Variants in JAG1 observed in about 807,000 individuals in gnomAD.
JAG1 encodes jagged canonical Notch ligand 1.
Under a neutral mutation model 148.7 loss-of-function variants are expected in JAG1, and 23 were observed. The observed-to-expected ratio is 0.15, with a 90% CI of 0.11 to 0.22. The LOEUF is 0.22. Ranked by LOEUF, JAG1 falls within the 10% of genes least tolerant of loss-of-function variation. The pLI is 1.00. For missense variants in JAG1, 1,054 were observed against 1,611.2 expected, an observed-to-expected ratio of 0.65 and a Z score of 5.92; for synonymous variants, 572 against 598.3, an observed-to-expected ratio of 0.96 and a Z score of 0.64.
intron 2 of JAG1, among the ~76,000 whole-genome samples, chr20:10,671,919 C>T (rs2067497774): frequency 6.6e-6 from 1 of 152,066 alleles, no homozygotes; most frequent in African/African-American, 2.4e-5. Context: ...CCTTCCAAGC[C>T]TTGGCACGGC....
intron 2 of JAG1, among the ~76,000 whole-genome samples, chr20:10,664,434 C>G (rs890977895): frequency 4.0e-5 from 6 of 149,884 alleles, no homozygotes; most frequent in Non-Finnish European, 7.4e-5. Flanking sequence ...CTAAGCTAAC[C>G]TAACCAGGTA....
intron 13 of JAG1, 123 bp downstream of exon 13, chr20:10,647,837 T>G: frequency 9.3e-7 from 1 of 1,080,322 alleles, no homozygotes; most frequent in East Asian, 2.5e-5. Context: ...GGCAGGATCA[T>G]TTCACTATAG....
rs370743646 is a variant in JAG1, at chr20:10,658,506, G to A, written c.656C>T (p.Thr219Ile). 1 of 1,614,122 alleles carries A rather than the reference G, an allele frequency of 6.2e-7. No individual in the cohort carries two copies. The highest frequency in any genetic ancestry group is 8.5e-7 in the Non-Finnish European group (1 of 1,180,060). Reference sequence around the variant, plus strand: ...GGGGCCCATCCAGCCTTCCATGCAAGTTTTGTTGCCATTCTGGTCACAGGC... The same window carrying A: ...GGGGCCCATCCAGCCTTCCATGCAAATTTTGTTGCCATTCTGGTCACAGGC... Reference protein sequence around the residue: ...HYACDQNGNKTCMEGWMGPEC... With the variant: ...HYACDQNGNKICMEGWMGPEC... Residue 219 changes from threonine (T) to isoleucine (I), a missense_variant, in exon 4 of 26, where the codon ACT becomes ATT. Coordinates refer to ENST00000254958, the MANE Select transcript of JAG1 (RefSeq NM_000214.3).
In JAG1 at chr20:10,652,565, A is replaced by G. The variant is rs764318074; in HGVS notation, c.789T>C (p.Asp263=). 6.2e-7 allele frequency: 1 copy of G among 1,614,090 alleles called. No individual in the cohort carries two copies. The highest frequency in any genetic ancestry group is 1.3e-5 in the African/African-American group (1 of 75,040). Reference sequence around the variant, plus strand: ...CGCATCCCGGGTGTGGGATGCACTTATCACAGTACAGGCCTTGCCAGCCGT... The same window carrying G: ...CGCATCCCGGGTGTGGGATGCACTTGTCACAGTACAGGCCTTGCCAGCCGT... The part of the protein sequence containing the change: ...CQYGWQGLYC[D]KCIPHPGCVH... The change falls in exon 6 of 26, where the codon GAT becomes GAC. Residue 263 remains aspartate, a synonymous_variant. Coordinates refer to ENST00000254958, the MANE Select transcript of JAG1 (RefSeq NM_000214.3).
intron 2 of JAG1, among the ~76,000 whole-genome samples, chr20:10,668,671 GTT>G (rs143614067): frequency 4.1e-5 from 6 of 144,946 alleles, no homozygotes; most frequent in African/African-American, 7.6e-5. Flanking sequence ...CCTTGACACT[GTT>G]TTTTTTTTTT....
chr20:10,671,615 T>TC (rs368946751), intron 2 of JAG1, among the ~76,000 whole-genome samples: 27 of 151,716 alleles, frequency 1.8e-4, no homozygotes, highest in African/African-American at 6.5e-4. Context: ...GGCACCGAGC[T>TC]CCCCCTCTCA....
Position 10,672,883 on chromosome 20 carries a change from C to G in JAG1, c.205G>C (p.Asp69His). ...ACTTTGAAGTATGTGTCACACTCGT[C>G]GCGGGTGCACTTGCGGTCTCCCGGG... is the stretch of plus-strand genomic sequence containing the variant. Reference protein sequence around the residue: ...RNPGDRKCTRDECDTYFKVCL... With the variant: ...RNPGDRKCTRHECDTYFKVCL... The change falls in exon 2 of 26, where the codon GAC becomes CAC. Residue 69 changes from aspartate (D) to histidine (H), a missense_variant. Coordinates refer to ENST00000254958, the MANE Select transcript of JAG1 (RefSeq NM_000214.3). 1 of 1,613,306 alleles carries G rather than the reference C, an allele frequency of 6.2e-7. No homozygotes were observed. The highest frequency in any genetic ancestry group is 1.1e-5 in the South Asian group (1 of 91,086).
chr20:10,650,401 A>T (rs2067337551), intron 8 of JAG1, 41 bp from the exon 9 acceptor site: 2 of 1,151,390 alleles, frequency 1.7e-6, no homozygotes, highest in Non-Finnish European at 2.6e-6. Flanking sequence ...ATTTAATTCA[A>T]TCCATCTGAC....
At position 10,673,415 on chromosome 20, in the gene JAG1, A is replaced by G; in HGVS notation, c.81+35T>C. On this transcript the variant is annotated intron_variant, in intron 1 of 25. Coordinates refer to ENST00000254958, the MANE Select transcript of JAG1 (RefSeq NM_000214.3). This position sits in a 1 kb window ranked among gnomAD's most constrained non-coding sequence, Gnocchi z 4.7. ...AGGGCGCCGCGAGGGGAGGGAGAGG[A>G]CGGCTGGGAGGGAGGCCCGGAGAAG... is the stretch of plus-strand genomic sequence containing the variant. 2 of 1,398,228 alleles carry G rather than the reference A, an allele frequency of 1.4e-6. No individual in the cohort carries two copies. Among genetic ancestry groups the G allele is most frequent in the African/African-American group, 1.5e-5 (1 of 65,814 alleles). The allele number at this position is 1,398,228 out of a possible 1,614,324, so 86.6% of individuals were successfully genotyped here. A position where few individuals can be genotyped will look rare whatever the true frequency, so the allele number is the denominator to read the frequency against.
chr20:10,652,640 T>A (rs1174000780), intron 5 of JAG1, 42 bp from the exon 6 acceptor site: 1 of 1,609,132 alleles, frequency 6.2e-7, no homozygotes, highest in East Asian at 2.2e-5. Context: ...CTTTTGAACG[T>A]TAAGAGACAC....
At chr20:10,644,276 T>TCTCACACAAACA (rs1555828066) in intron 19 of JAG1, 81 bp downstream of exon 19, 1 of 817,366 alleles carries the variant, frequency 1.2e-6, no homozygotes, top group African/African-American at 1.8e-5. Context: ...TGGGTGATTC[T>TCTCACACAAACA]CACACACACA....
rs950440263 is a variant in JAG1 at position 10,639,012 on chromosome 20, A to T, written c.*486T>A. On this transcript the variant is annotated 3_prime_UTR_variant, in exon 26 of 26. Transcript: ENST00000254958. ...CTCCCCCAACAACAAAAATACAATT[A>T]AAAAAAATAAATAATAAAGTCATTT... 2.1e-5 allele frequency: 2 copies of T among 95,180 alleles called. No individual in the cohort carries two copies. The highest frequency in any genetic ancestry group is 6.1e-5 in the African/African-American group (2 of 32,878). The allele number at this position is 95,180 out of a possible 1,614,324, so 5.9% of individuals were successfully genotyped here. A position where few individuals can be genotyped will look rare whatever the true frequency, so the allele number is the denominator to read the frequency against.
chr20:10,644,460 T>C lies in JAG1; in HGVS notation c.2345-76A>G, dbSNP rs114405662. ...CTTAGCCCTAAGTAAAACCACCACTTATTTTCCTAATACCCAAATGATAAA... is the reference window on the plus strand; with the variant it reads ...CTTAGCCCTAAGTAAAACCACCACTCATTTTCCTAATACCCAAATGATAAA... On this transcript the variant is annotated intron_variant, in intron 18 of 25. Coordinates refer to ENST00000254958, the MANE Select transcript of JAG1 (RefSeq NM_000214.3). 1.1e-3 allele frequency: 1,301 copies of C among 1,147,122 alleles called. 9 individuals carry two copies. The African/African-American group carries it at 0.018, about 16-fold the overall frequency. 71.1% of individuals were successfully genotyped at this position (1,147,122 alleles called of 1,614,324 possible).
intron 19 of JAG1, 48 bp from the exon 20 acceptor site, chr20:10,643,911 T>A (rs1424507663): frequency 7.1e-7 from 1 of 1,413,786 alleles, no homozygotes; most frequent in East Asian, 2.3e-5. Context: ...AGTCCATTAC[T>A]CTGGCTGCCA....
At position 10,673,573 on chromosome 20, in the gene JAG1, T is replaced by C; in HGVS notation, c.-43A>G. On this transcript the variant is annotated 5_prime_UTR_variant, in exon 1 of 26. Transcript: ENST00000254958. The surrounding 1 kb of genome is among the most constrained non-coding windows in gnomAD (Gnocchi z 4.7). ...CGGGCACTCGGGACGCCGCCGCTGCTGTTCGCGCTGGTGCTGCCGCCGGTG... is the reference window on the plus strand; with the variant it reads ...CGGGCACTCGGGACGCCGCCGCTGCCGTTCGCGCTGGTGCTGCCGCCGGTG... 8.7e-7 allele frequency: 1 copy of C among 1,147,098 alleles called. No individual in the cohort carries two copies. The highest frequency in any genetic ancestry group is 1.1e-6 in the Non-Finnish European group (1 of 907,832). The allele number at this position is 1,147,098 out of a possible 1,614,324, so 71.1% of individuals were successfully genotyped here.
At chr20:10,647,192 T>C in intron 13 of JAG1, 89 bp from the exon 14 acceptor site, 2 of 1,488,060 alleles carry the variant, frequency 1.3e-6, no homozygotes, top group Admixed American at 3.4e-5. Flanking sequence ...CCCACTTTCC[T>C]GGAGACAGGG....
rs748220102 is a variant in JAG1 at position 10,640,884 on chromosome 20, T to C, written c.3098A>G (p.Asp1033Gly). 15 of 1,614,056 alleles carry C rather than the reference T, an allele frequency of 9.3e-6. No individual in the cohort carries two copies. The South Asian group carries it at 1.5e-4, about 17-fold the overall frequency. ...TTTACTAACAAGATCGATTATTTTG[T>C]CAGTGATTTCCTTGATCGGGTTCCC... The part of the protein sequence containing the change: ...DDGNPIKEIT[D>G]KIIDLVSKRD... The change falls in exon 25 of 26, where the codon GAC (aspartate) becomes GGC (glycine). Residue 1033 changes from aspartate (D) to glycine (G), a missense_variant. By Grantham distance (94) the Asp-to-Gly change is moderately conservative. Coordinates refer to ENST00000254958, the MANE Select transcript of JAG1 (RefSeq NM_000214.3).
intron 13 of JAG1, chr20:10,647,357 C>T (rs574022678): frequency 1.4e-4 from 77 of 551,072 alleles, no homozygotes; most frequent in African/African-American, 1.1e-3. Flanking sequence ...TGTGGATCCC[C>T]TTCATCCTAC....
At chr20:10,652,705 G>T in intron 5 of JAG1, 107 bp from the exon 6 acceptor site, 1 of 1,264,930 alleles carries the variant, frequency 7.9e-7, no homozygotes, top group East Asian at 2.4e-5. Flanking sequence ...TTTTGTTTCT[G>T]GGGACAGGAA....
Sources: gnomAD v4.1 joint callset for allele counts (sites outside exome capture counted in the v4.1 genomes callset) on GRCh38, gnomAD v4.1.1 for gene constraint, Gnocchi (gnomAD v3.1) non-coding constraint, MANE v1.5 for transcripts, NCBI Gene and HGNC (gene_info 2026-07-23, HGNC 2026-07-21) for gene names.